Variants in ZNF487 observed in about 807,000 individuals in gnomAD.
The protein encoded by ZNF487 is KRAB domain only 1.
ZNF487 carries 4 observed loss-of-function variants against 3.0 expected under a neutral mutation model. That is an observed-to-expected ratio of 1.35 (90% CI 0.66 to 3.08). ZNF487 has a LOEUF of 3.08. Ranked by LOEUF, ZNF487 falls within the 30% of genes most tolerant of loss-of-function variation. The probability of loss-of-function intolerance (pLI) is 0.01; values close to 1 mark genes in which losing one functional copy is unlikely to be tolerated. For missense variants in ZNF487, 146 were observed against 98.7 expected, an observed-to-expected ratio of 1.48 and a Z score of -2.03; for synonymous variants, 55 against 34.6, an observed-to-expected ratio of 1.59 and a Z score of -2.06.
At chr10:43,493,421 G>A in the ZNF487 span, among the ~76,000 whole-genome samples, 3 of 151,846 alleles carry the variant, frequency 2.0e-5, no homozygotes, top group Non-Finnish European at 4.4e-5. Flanking sequence ...ACAACCTGGC[G>A]TGATGGCTCA....
At chr10:43,503,691 A>T in the ZNF487 span, among the ~76,000 whole-genome samples, 1 of 152,158 alleles carries the variant, frequency 6.6e-6, no homozygotes, top group South Asian at 2.1e-4. Flanking sequence ...CTGTAGCCTC[A>T]ACTTCCTGGG....
At chr10:43,455,192 T>G (rs2132071837) in intron 1 of ZNF487, among the ~76,000 whole-genome samples, 1 of 151,996 alleles carries the variant, frequency 6.6e-6, no homozygotes, top group East Asian at 2.0e-4. Flanking sequence ...TTGTATTTTT[T>G]AGTAGAGACG....
the ZNF487 span, among the ~76,000 whole-genome samples, chr10:43,511,059 G>T: frequency 5.9e-5 from 9 of 152,276 alleles, no homozygotes; most frequent in African/African-American, 1.7e-4. Flanking sequence ...GGTAACTGGT[G>T]CCACTTTCAC....
chr10:43,462,652 C>T (rs1840473057), intron 1 of ZNF487, among the ~76,000 whole-genome samples: 1 of 151,806 alleles, frequency 6.6e-6, no homozygotes, highest in South Asian at 2.1e-4. Context: ...GGTGGGGTTT[C>T]ACCATGTTGG....
the ZNF487 span, among the ~76,000 whole-genome samples, chr10:43,504,906 A>T: frequency 2.6e-5 from 4 of 151,370 alleles, no homozygotes; most frequent in African/African-American, 9.7e-5. Context: ...CGGGTTTCAC[A>T]TGTTGCCAAA....
chr10:43,441,602 C>T (rs1431627767), intron 1 of ZNF487, among the ~76,000 whole-genome samples: 1 of 76,718 alleles, frequency 1.3e-5, no homozygotes, highest in Non-Finnish European at 2.6e-5. Flanking sequence ...CATGTTGCCC[C>T]AGCTAGTCAG....
At chr10:43,484,733 A>G (rs1261205062), downstream of ZNF487, among the ~76,000 whole-genome samples, 3 of 152,200 alleles carry the variant, frequency 2.0e-5, no homozygotes, top group African/African-American at 4.8e-5. Flanking sequence ...CATTCATTCT[A>G]TTTTTTAGAG....
the ZNF487 span, among the ~76,000 whole-genome samples, chr10:43,498,129 T>A: frequency 1.2e-4 from 4 of 32,316 alleles, no homozygotes; most frequent in South Asian, 2.0e-3. Context: ...TTTTTTTTTT[T>A]TTTTTTTTTT....
chr10:43,520,106 C>T, the ZNF487 span, among the ~76,000 whole-genome samples: 84 of 152,266 alleles, frequency 5.5e-4, no homozygotes, highest in East Asian at 0.015. Flanking sequence ...TATTCATGTA[C>T]ACAAAATGAC....
chr10:43,460,812 C>T (rs1840405223), intron 1 of ZNF487, among the ~76,000 whole-genome samples: 1 of 151,820 alleles, frequency 6.6e-6, no homozygotes, highest in East Asian at 1.9e-4. Flanking sequence ...TGTGCCTCTG[C>T]CTCCCAAGTA....
the ZNF487 span, among the ~76,000 whole-genome samples, chr10:43,498,799 G>A: frequency 6.6e-6 from 1 of 151,826 alleles, no homozygotes. Flanking sequence ...AAAATTAGCC[G>A]GGCGTAGTGG....
chr10:43,480,729 T>TCTC (rs201590428), intron 3 of ZNF487, among the ~76,000 whole-genome samples: 1 of 134,802 alleles, frequency 7.4e-6, no homozygotes. Context: ...TCTCTCTCTC[T>TCTC]TTTTTTTTTT....
At chr10:43,464,416 G>A (rs1053040037) in intron 1 of ZNF487, among the ~76,000 whole-genome samples, 64 of 151,622 alleles carry the variant, frequency 4.2e-4, no homozygotes, top group African/African-American at 1.5e-3. Flanking sequence ...GGTGTTTCTC[G>A]CAGAGGGGGA....
chr10:43,517,821 C>A, the ZNF487 span, among the ~76,000 whole-genome samples: 5 of 152,260 alleles, frequency 3.3e-5, no homozygotes, highest in East Asian at 9.6e-4. Context: ...AGTTTCTTGG[C>A]AAATACCATG....
At chr10:43,458,691 C>G (rs1840310319) in intron 1 of ZNF487, among the ~76,000 whole-genome samples, 1 of 152,002 alleles carries the variant, frequency 6.6e-6, no homozygotes, top group African/African-American at 2.4e-5. Flanking sequence ...AGTAGAGAGT[C>G]TTCAGTCTTT....
At chr10:43,488,223 A>T in the ZNF487 span, among the ~76,000 whole-genome samples, 1 of 152,192 alleles carries the variant, frequency 6.6e-6, no homozygotes, top group Non-Finnish European at 1.5e-5. Flanking sequence ...TTTGGACTTA[A>T]GATAAATATC....
Position 43,443,264 on chromosome 10 carries a change from A to G in ZNF487, c.-94+6002A>G, listed in dbSNP as rs568789807. The stretch of plus-strand genomic sequence containing the variant: ...TTTTTAGGAGAGACGAGGTTTCACC[A>G]TGTTAGCCAGGCTGGTCTCGAACTC... On this transcript the variant is annotated intron_variant, in intron 1 of 3. Transcript: ENST00000437590. 5.3e-5 allele frequency among the ~76,000 whole-genome samples: 8 copies of G among 151,418 alleles called. No individual in the cohort carries two copies. In the South Asian group the frequency reaches 1.7e-3, roughly 32 times the overall value.
chr10:43,516,295 T>C, the ZNF487 span, among the ~76,000 whole-genome samples: 1 of 152,222 alleles, frequency 6.6e-6, no homozygotes, highest in Non-Finnish European at 1.5e-5. Context: ...TTTTTCATAC[T>C]ATTAGAAGTA....
chr10:43,477,070 G>GT (rs1372898439), intron 3 of ZNF487, among the ~76,000 whole-genome samples: 5 of 151,978 alleles, frequency 3.3e-5, no homozygotes, highest in African/African-American at 1.2e-4. Flanking sequence ...GTATAAAATA[G>GT]TAATGATGCC....
Sources: gnomAD v4.1 joint callset for allele counts (sites outside exome capture counted in the v4.1 genomes callset) on GRCh38, gnomAD v4.1.1 for gene constraint, MANE v1.5 for transcripts, NCBI Gene and HGNC (gene_info 2026-07-23, HGNC 2026-07-21) for gene names.